The following FAM117B variants were observed in gnomAD, a reference collection of about 807,000 sequenced individuals.
The protein encoded by FAM117B is family with sequence similarity 117 member B, also known as protein FAM117B.
Under a neutral mutation model 52.8 loss-of-function variants are expected in FAM117B, and 22 were observed. The ratio of observed to expected loss-of-function variants is 0.42; its 90% CI spans 0.30 to 0.59. The LOEUF (loss-of-function observed/expected upper bound fraction) is 0.59, where lower values mean the gene tolerates loss of function less well. FAM117B is among the 20% of genes least tolerant of loss of function. FAM117B has a pLI of 0.22. For missense variants in FAM117B, 678 were observed against 802.6 expected (o/e 0.84, Z 1.88); for synonymous variants, 309 against 324.1 (o/e 0.95, Z 0.50).
intron 4 of FAM117B, among the ~76,000 whole-genome samples, chr2:202,734,965 G>T (rs918790466): frequency 6.6e-6 from 1 of 152,056 alleles, no homozygotes; most frequent in Admixed American, 6.6e-5. Flanking sequence ...AAAGAGAGCT[G>T]TATTTCTGTA....
chr2:202,673,894 A>G (rs1419795727), intron 1 of FAM117B, among the ~76,000 whole-genome samples: 1 of 152,118 alleles, frequency 6.6e-6, no homozygotes, highest in Non-Finnish European at 1.5e-5. Flanking sequence ...TGGCTCTTGA[A>G]CGAGGTTACA....
chr2:202,679,851 A>G (rs889597814), intron 1 of FAM117B, among the ~76,000 whole-genome samples: 2 of 152,228 alleles, frequency 1.3e-5, no homozygotes, highest in African/African-American at 4.8e-5. Flanking sequence ...AGGAAAATGT[A>G]AACTATAATG....
chr2:202,697,505 G>A (rs1690729964), intron 2 of FAM117B, among the ~76,000 whole-genome samples: 4 of 150,804 alleles, frequency 2.7e-5, no homozygotes, highest in South Asian at 4.2e-4. Flanking sequence ...TCAGATTTAC[G>A]TTACTCCTGG....
rs557029072 is a variant in FAM117B at position 202,754,516 on chromosome 2, A to C, written c.961-1022A>C. Reference sequence around the variant, plus strand: ...TAAGAAGAAACAAAAACAATAATAAACCCCCCCCAGAATATAAATAATTAT... The same window carrying C: ...TAAGAAGAAACAAAAACAATAATAACCCCCCCCCAGAATATAAATAATTAT... On this transcript the variant is annotated intron_variant, in intron 4 of 7. Transcript: ENST00000392238. Among the ~76,000 whole-genome samples the C allele has an allele frequency of 5.4e-4, 81 of 150,780 alleles. 1 individual carries two copies. The highest frequency in any genetic ancestry group is 1.8e-3 in the Admixed American group (27 of 15,070).
intron 1 of FAM117B, among the ~76,000 whole-genome samples, chr2:202,656,116 T>G (rs1690053173): frequency 6.6e-6 from 1 of 151,182 alleles, no homozygotes; most frequent in South Asian, 2.1e-4. Context: ...ATTTTCTCTT[T>G]GTTTGGTCAG....
chr2:202,749,750 G>A (rs1370848315), intron 4 of FAM117B, among the ~76,000 whole-genome samples: 1 of 151,728 alleles, frequency 6.6e-6, no homozygotes, highest in South Asian at 2.1e-4. Context: ...GCAACATAGT[G>A]AGACCCTATC....
chr2:202,661,731 C>T (rs1249872203), intron 1 of FAM117B, among the ~76,000 whole-genome samples: 1 of 152,090 alleles, frequency 6.6e-6, no homozygotes, highest in African/African-American at 2.4e-5. Flanking sequence ...GCCTGGCCAA[C>T]ATGGCAAAAC....
At chr2:202,641,421 A>G (rs1290566317) in intron 1 of FAM117B, among the ~76,000 whole-genome samples, 1 of 152,192 alleles carries the variant, frequency 6.6e-6, no homozygotes, top group African/African-American at 2.4e-5. Context: ...ATACATTAGA[A>G]AGTATTCCAT....
chr2:202,712,792 A>G (rs1310519424), intron 2 of FAM117B, among the ~76,000 whole-genome samples: 1 of 152,224 alleles, frequency 6.6e-6, no homozygotes, highest in Non-Finnish European at 1.5e-5. Flanking sequence ...CATTTTCAGC[A>G]TCAAAATGAT....
At chr2:202,640,294 A>AT (rs1362193150) in intron 1 of FAM117B, among the ~76,000 whole-genome samples, 2,337 of 66,698 alleles carry the variant, frequency 0.035, 305 homozygotes, top group Non-Finnish European at 0.052. Context: ...CACCACCACA[A>AT]AATATATATA....
intron 1 of FAM117B, among the ~76,000 whole-genome samples, chr2:202,670,472 A>C (rs1254161455): frequency 6.6e-6 from 1 of 151,772 alleles, no homozygotes; most frequent in Non-Finnish European, 1.5e-5. Flanking sequence ...GTATTTTTAG[A>C]GACGGGGTTT....
At chr2:202,648,099 A>C (rs1190596408) in intron 1 of FAM117B, among the ~76,000 whole-genome samples, 1 of 152,164 alleles carries the variant, frequency 6.6e-6, no homozygotes, top group African/African-American at 2.4e-5. Flanking sequence ...AAAATTATAA[A>C]TGGTAAGGAG....
At chr2:202,693,827 TTTG>T (rs1219173379) in intron 1 of FAM117B, among the ~76,000 whole-genome samples, 1 of 152,160 alleles carries the variant, frequency 6.6e-6, no homozygotes, top group African/African-American at 2.4e-5. Flanking sequence ...TTTTGGACAT[TTTG>T]TTGTTTCTAG....
chr2:202,649,013 A>G (rs1468781671), intron 1 of FAM117B, among the ~76,000 whole-genome samples: 2 of 151,494 alleles, frequency 1.3e-5, no homozygotes, highest in East Asian at 1.9e-4. Flanking sequence ...CTCAGCCTCA[A>G]AGTGCTGGGA....
At chr2:202,713,443 T>A (rs1690987660) in intron 2 of FAM117B, among the ~76,000 whole-genome samples, 2 of 152,174 alleles carry the variant, frequency 1.3e-5, no homozygotes, top group African/African-American at 4.8e-5. Context: ...TAAAGATTTG[T>A]CAATTTTATC....
At chr2:202,662,425 T>C (rs1690144895) in intron 1 of FAM117B, among the ~76,000 whole-genome samples, 1 of 152,144 alleles carries the variant, frequency 6.6e-6, no homozygotes, top group Admixed American at 6.5e-5. Flanking sequence ...GTCAGTCAAC[T>C]GGTACAAAGT....
intron 4 of FAM117B, among the ~76,000 whole-genome samples, chr2:202,740,173 C>CAAAAAAAAAAAAAAAAAAAAAA (rs1358404767): frequency 2.9e-5 from 2 of 69,672 alleles, no homozygotes; most frequent in East Asian, 4.1e-4. Flanking sequence ...ACTTCATCCC[C>CAAAAAAAAAAAAAAAAAAAAAA]CAAAAAAAAA....
intron 2 of FAM117B, among the ~76,000 whole-genome samples, chr2:202,719,514 TG>T (rs1373599802): frequency 6.6e-6 from 1 of 152,228 alleles, no homozygotes; most frequent in Non-Finnish European, 1.5e-5. Context: ...TGTGTCTGTA[TG>T]TACAATTATG....
At chr2:202,710,319 G>T (rs1447498555) in intron 2 of FAM117B, among the ~76,000 whole-genome samples, 6 of 151,934 alleles carry the variant, frequency 3.9e-5, no homozygotes, top group Non-Finnish European at 7.4e-5. Context: ...TTAGTTTTCT[G>T]TATATAAGTC....
Sources: gnomAD v4.1 joint callset for allele counts (sites outside exome capture counted in the v4.1 genomes callset) on GRCh38, gnomAD v4.1.1 for gene constraint, MANE v1.5 for transcripts, NCBI Gene and HGNC (gene_info 2026-07-23, HGNC 2026-07-21) for gene names.